CRTC1: variants seen among roughly 807,000 people sequenced by gnomAD.
The protein encoded by CRTC1 is CREB-regulated transcription coactivator 1.
In CRTC1, 18 loss-of-function variants were observed where a neutral mutation model predicts 66.1. That is an observed-to-expected ratio of 0.27 (90% CI 0.19 to 0.40). The LOEUF (loss-of-function observed/expected upper bound fraction) is 0.40. Ranked by LOEUF, CRTC1 falls within the 10% of genes least tolerant of loss-of-function variation. The pLI is 1.00. For synonymous variants in CRTC1, 416 were observed against 398.8 expected, an observed-to-expected ratio of 1.04 and a Z score of -0.51; for missense variants, 669 against 887.9, an observed-to-expected ratio of 0.75 and a Z score of 3.13.
At chr19:18,765,628 A>C in intron 9 of CRTC1, 100 bp downstream of exon 9, 1 of 1,196,120 alleles carries the variant, frequency 8.4e-7, no homozygotes, top group Non-Finnish European at 1.1e-6. Context: ...AGGAGGCCAC[A>C]AAACCTTGAG....
chr19:18,742,108 G>A (rs1420726103), intron 1 of CRTC1, among the ~76,000 whole-genome samples: 1 of 152,144 alleles, frequency 6.6e-6, no homozygotes, highest in African/African-American at 2.4e-5. Context: ...CAAGGGCCTC[G>A]GGTCGTGCCA....
rs750901937 is a variant in CRTC1, at chr19:18,745,934, C to T, written c.355C>T (p.Leu119=). ...GRLGSPHRRP[L]SVDKHGRQAD... is the part of the protein sequence containing the mutation. ...GCTCGGCTCCCCACACCGCCGGCCC[C>T]TGTCAGTGGACAAACACGGACGGCA... The change falls in exon 3 of 14, where the codon CTG becomes TTG. Residue 119 remains leucine (L), a synonymous_variant. Coordinates refer to ENST00000321949, the MANE Select transcript of CRTC1 (RefSeq NM_015321.3). The T allele has an allele frequency of 6.2e-7, 1 of 1,612,306 alleles. No homozygotes were observed. Among genetic ancestry groups the T allele is most frequent in the Non-Finnish European group, 8.5e-7 (1 of 1,179,116 alleles).
At chr19:18,744,530 G>T (rs1292085848) in intron 2 of CRTC1, among the ~76,000 whole-genome samples, 1 of 152,022 alleles carries the variant, frequency 6.6e-6, no homozygotes, top group Admixed American at 6.5e-5. Context: ...ACGTGTGCAC[G>T]CATCTCCCAA....
At position 18,741,211 on chromosome 19, in the gene CRTC1, G is replaced by A. The variant is rs536596382; in HGVS notation, c.127-1699G>A. Among the ~76,000 whole-genome samples, 17 of 152,266 alleles carry A rather than the reference G, an allele frequency of 1.1e-4. No homozygotes were observed. The highest frequency in any genetic ancestry group is 8.5e-4 in the Admixed American group (13 of 15,286). On this transcript the variant is annotated intron_variant, in intron 1 of 13. Transcript: ENST00000321949. This position sits in a 1 kb window ranked among gnomAD's most constrained non-coding sequence, Gnocchi z 4.2. ...GTCCCCAGTCCTGTAGATTGTCCCCGCATCCCAGGTTTCCTGTGGCCCGGG... is the reference window on the plus strand; with the variant it reads ...GTCCCCAGTCCTGTAGATTGTCCCCACATCCCAGGTTTCCTGTGGCCCGGG...
chr19:18,695,844 G>A (rs957677326), intron 1 of CRTC1, among the ~76,000 whole-genome samples: 9 of 152,234 alleles, frequency 5.9e-5, no homozygotes, highest in Middle Eastern at 3.4e-3. Context: ...CAGCCTGGGC[G>A]ACAGAGTGAG....
At chr19:18,754,450 C>A (rs1260507392) in intron 6 of CRTC1, among the ~76,000 whole-genome samples, 1 of 152,158 alleles carries the variant, frequency 6.6e-6, no homozygotes, top group Non-Finnish European at 1.5e-5. Flanking sequence ...GAGGTCAAGA[C>A]TGCAGTGAGC....
intron 2 of CRTC1, among the ~76,000 whole-genome samples, chr19:18,744,786 C>T (rs2054194171): frequency 6.6e-6 from 1 of 152,182 alleles, no homozygotes; most frequent in African/African-American, 2.4e-5. Flanking sequence ...AGACCCAAAC[C>T]AGCAGAGTTC....
intron 1 of CRTC1, among the ~76,000 whole-genome samples, chr19:18,703,705 C>T (rs1208927844): frequency 6.6e-6 from 1 of 151,348 alleles, no homozygotes; most frequent in East Asian, 2.0e-4. Flanking sequence ...TCAGATGATT[C>T]GCTTGCCTTG....
At chr19:18,772,774 TG>T in intron 11 of CRTC1, among the ~76,000 whole-genome samples, 1 of 152,278 alleles carries the variant, frequency 6.6e-6, no homozygotes, top group South Asian at 2.1e-4. Flanking sequence ...GGGGTCAGCC[TG>T]GTGTCTGCGC....
At position 18,760,033 on chromosome 19, in the gene CRTC1, A is replaced by G; in HGVS notation, c.691A>G (p.Asn231Asp). Reference sequence around the variant, plus strand: ...CATCTTCCCGTCTGCCGACCAGGAAAACACTACAGCCCTGATCCCCGCCAC... The same window carrying G: ...CATCTTCCCGTCTGCCGACCAGGAAGACACTACAGCCCTGATCCCCGCCAC... ...INIFPSADQE[N>D]TTALIPATHN... is the part of the protein sequence containing the mutation. The change falls in exon 8 of 14, where the codon AAC becomes GAC. Residue 231 changes from asparagine to aspartate, a missense_variant. This residue lies in a region of CRTC1 where 214 missense variants were observed against 323.4 expected (regional missense o/e 0.66). Coordinates refer to ENST00000321949, the MANE Select transcript of CRTC1 (RefSeq NM_015321.3). The surrounding 1 kb of genome is among the most constrained non-coding windows in gnomAD (Gnocchi z 6.2). The G allele has an allele frequency of 6.4e-7, 1 of 1,574,418 alleles. No individual in the cohort carries two copies. Among genetic ancestry groups the G allele is most frequent in the South Asian group, 1.1e-5 (1 of 90,094 alleles).
chr19:18,752,810 G>C (rs1345448467), intron 5 of CRTC1, among the ~76,000 whole-genome samples: 2 of 151,230 alleles, frequency 1.3e-5, no homozygotes, highest in African/African-American at 4.9e-5. Flanking sequence ...GCCAATTTTT[G>C]TATTTTTAGT....
intron 1 of CRTC1, among the ~76,000 whole-genome samples, chr19:18,705,880 C>T (rs2053250490): frequency 6.7e-6 from 1 of 149,536 alleles, no homozygotes; most frequent in Non-Finnish European, 1.5e-5. Context: ...TGTTGAGCAT[C>T]TTTTCATGTG....
At chr19:18,698,803 C>T (rs1348542412) in intron 1 of CRTC1, among the ~76,000 whole-genome samples, 1 of 151,454 alleles carries the variant, frequency 6.6e-6, no homozygotes, top group Non-Finnish European at 1.5e-5. Context: ...GTACAGTGTT[C>T]AGCAGGCACA....
intron 5 of CRTC1, among the ~76,000 whole-genome samples, chr19:18,752,381 T>G (rs2054383585): frequency 6.6e-6 from 1 of 152,132 alleles, no homozygotes; most frequent in Non-Finnish European, 1.5e-5. Flanking sequence ...CGCCATGGCA[T>G]GATCACAACT....
In CRTC1 at chr19:18,764,136, G is replaced by A. The variant is rs190150719; in HGVS notation, c.887-1268G>A. On this transcript the variant is annotated intron_variant, in intron 8 of 13. Coordinates refer to ENST00000321949, the MANE Select transcript of CRTC1 (RefSeq NM_015321.3). ...CCCGGTGAGCAGCTGCCCTGGGCAC[G>A]GACAAGGCTGTCATCTCCCCTCGGC... Among the ~76,000 whole-genome samples the A allele has an allele frequency of 1.8e-4, 27 of 152,312 alleles. No homozygotes were observed. In the East Asian group the frequency reaches 1.9e-3, roughly 11 times the overall value.
chr19:18,739,179 C>T (rs1440993194), intron 1 of CRTC1, among the ~76,000 whole-genome samples: 1 of 152,254 alleles, frequency 6.6e-6, no homozygotes, highest in African/African-American at 2.4e-5. Flanking sequence ...TCAGCTGTTT[C>T]ACCTGTCGCC....
chr19:18,765,457 C>G lies in CRTC1; in HGVS notation c.940C>G (p.Leu314Val), dbSNP rs774556926. Residue 314 changes from leucine (L) to valine (V), a missense_variant, in exon 9 of 14, where the codon CTG becomes GTG. Physicochemically the swap from Leu to Val is conservative, Grantham distance 32. Transcript: ENST00000321949. The stretch of plus-strand genomic sequence containing the variant: ...GCACCGCCCAGCTGGCGTCAGCCCC[C>G]TGTCCCTGAGCACAGAGGCAAGGCG... ...PQHRPAGVSP[L>V]SLSTEARRQQ... The G allele has an allele frequency of 6.2e-7, 1 of 1,612,628 alleles. No individual in the cohort carries two copies. The highest frequency in any genetic ancestry group is 1.7e-5 in the Admixed American group (1 of 59,984).
chr19:18,774,407 GCT>G (rs1241114482), intron 11 of CRTC1, among the ~76,000 whole-genome samples: 1 of 152,242 alleles, frequency 6.6e-6, no homozygotes, highest in African/African-American at 2.4e-5. Context: ...CCTGTCCTGT[GCT>G]CTCTCAGCTG....
intron 1 of CRTC1, among the ~76,000 whole-genome samples, chr19:18,714,768 T>G (rs939818142): frequency 7.9e-5 from 12 of 152,174 alleles, no homozygotes; most frequent in African/African-American, 2.9e-4. Flanking sequence ...CCCCAAATGT[T>G]GATGACCCCC....
Sources: gnomAD v4.1 joint callset for allele counts (sites outside exome capture counted in the v4.1 genomes callset) on GRCh38, gnomAD v4.1.1 for gene constraint, gnomAD v4.1.1 regional missense constraint, Gnocchi (gnomAD v3.1) non-coding constraint, MANE v1.5 for transcripts, NCBI Gene and HGNC (gene_info 2026-07-23, HGNC 2026-07-21) for gene names.